The following SLIT2 variants were observed in gnomAD, a reference collection of about 807,000 sequenced individuals.
SLIT2 encodes the protein slit homolog 2 protein.
In SLIT2, 41 loss-of-function variants were observed where a neutral mutation model predicts 185.7. The observed-to-expected ratio is 0.22, with a 90% CI of 0.17 to 0.29. The LOEUF is 0.29. Ranked by LOEUF, SLIT2 falls within the 10% of genes least tolerant of loss-of-function variation. SLIT2 has a pLI of 1.00. For missense variants in SLIT2, 1,571 were observed against 1,909.0 expected (o/e 0.82, Z 3.30); for synonymous variants, 693 against 680.2 (o/e 1.02, Z -0.29).
intron 33 of SLIT2, 57 bp downstream of exon 33, chr4:20,598,452 T>C: frequency 1.3e-6 from 2 of 1,583,762 alleles, no homozygotes; most frequent in Non-Finnish European, 8.7e-7. Context: ...GAAGAACTGC[T>C]TCTCCTCTAT....
intron 7 of SLIT2, among the ~76,000 whole-genome samples, chr4:20,488,022 G>A (rs192772517): frequency 2.0e-5 from 3 of 152,256 alleles, no homozygotes; most frequent in Admixed American, 1.3e-4. Flanking sequence ...TCTTTAGTTT[G>A]AGAAAACATA....
chr4:20,491,399 T>C (rs1717768733), intron 8 of SLIT2, among the ~76,000 whole-genome samples: 2 of 152,200 alleles, frequency 1.3e-5, no homozygotes, highest in Non-Finnish European at 2.9e-5. Flanking sequence ...CCAAGCTCTA[T>C]TTAATCTTAT....
chr4:20,599,368 C>T (rs1352584205), intron 33 of SLIT2, among the ~76,000 whole-genome samples: 1 of 152,112 alleles, frequency 6.6e-6, no homozygotes, highest in African/African-American at 2.4e-5. Flanking sequence ...TAGAAATTCA[C>T]CCTTTAGAGA....
intron 3 of SLIT2, among the ~76,000 whole-genome samples, chr4:20,264,662 A>G (rs751030355): frequency 9.4e-4 from 143 of 151,860 alleles, no homozygotes; most frequent in Non-Finnish European, 1.9e-3. Flanking sequence ...GTTGTTAAGA[A>G]TCAGTGTTTC....
At chr4:20,447,099 C>G (rs1310002584) in intron 4 of SLIT2, among the ~76,000 whole-genome samples, 1 of 152,106 alleles carries the variant, frequency 6.6e-6, no homozygotes, top group Non-Finnish European at 1.5e-5. Flanking sequence ...GAAGGGAGAG[C>G]GATTCTTCAG....
chr4:20,584,121 G>GA (rs34503488), intron 29 of SLIT2, among the ~76,000 whole-genome samples: 1 of 151,768 alleles, frequency 6.6e-6, no homozygotes, highest in Non-Finnish European at 1.5e-5. Flanking sequence ...CCTTTTTATT[G>GA]AAAAAAAGGG....
chr4:20,349,993 A>T (rs1401543587), intron 4 of SLIT2, among the ~76,000 whole-genome samples: 1 of 152,196 alleles, frequency 6.6e-6, no homozygotes, highest in Non-Finnish European at 1.5e-5. Flanking sequence ...AACTCATCCT[A>T]GTATTTGCAT....
intron 31 of SLIT2, 25 bp from the exon 32 acceptor site, chr4:20,596,390 A>G: frequency 1.3e-6 from 2 of 1,595,280 alleles, no homozygotes. Context: ...GTATTAACTA[A>G]TTTTTTTTTC....
chr4:20,616,751 C>A, intron 34 of SLIT2, 159 bp from the exon 35 acceptor site: 1 of 656,988 alleles, frequency 1.5e-6, no homozygotes, highest in South Asian at 2.5e-5. Flanking sequence ...CAAAAACACA[C>A]ATCTCTACAT....
intron 9 of SLIT2, among the ~76,000 whole-genome samples, chr4:20,496,259 A>G (rs1459092713): frequency 3.1e-5 from 2 of 64,626 alleles, no homozygotes; most frequent in African/African-American, 7.2e-5. Flanking sequence ...TACTTCTGCT[A>G]TTTGGTAACT....
chr4:20,333,043 G>T, intron 4 of SLIT2, among the ~76,000 whole-genome samples: 1 of 152,030 alleles, frequency 6.6e-6, no homozygotes. Flanking sequence ...GTATATTTAA[G>T]ACTATCAGTT....
At chr4:20,584,062 C>T (rs1245312747) in intron 29 of SLIT2, among the ~76,000 whole-genome samples, 1 of 151,946 alleles carries the variant, frequency 6.6e-6, no homozygotes, top group Non-Finnish European at 1.5e-5. Flanking sequence ...GTGTGATACT[C>T]CCTCTGGTAA....
intron 29 of SLIT2, among the ~76,000 whole-genome samples, chr4:20,583,114 A>C (rs1726740509): frequency 2.0e-5 from 3 of 152,224 alleles, no homozygotes; most frequent in Non-Finnish European, 2.9e-5. Context: ...CAGAAAACAA[A>C]ACTGCCGATA....
intron 4 of SLIT2, among the ~76,000 whole-genome samples, chr4:20,339,108 AAAAAG>A (rs1363984150): frequency 6.9e-4 from 105 of 151,620 alleles, no homozygotes; most frequent in African/African-American, 2.2e-3. Context: ...AAAAAAAAAA[AAAAAG>A]AAAGACATTG....
At chr4:20,494,524 C>T (rs1038253792) in intron 9 of SLIT2, among the ~76,000 whole-genome samples, 9 of 152,114 alleles carry the variant, frequency 5.9e-5, no homozygotes, top group African/African-American at 2.2e-4. Flanking sequence ...CGCCTGTAAT[C>T]CCAGCACTTT....
chr4:20,459,326 C>T (rs1301452227), intron 4 of SLIT2, among the ~76,000 whole-genome samples: 1 of 152,032 alleles, frequency 6.6e-6, no homozygotes, highest in Non-Finnish European at 1.5e-5. Flanking sequence ...TAAAAACATA[C>T]CCTGAAAGAA....
intron 4 of SLIT2, among the ~76,000 whole-genome samples, chr4:20,373,996 A>G (rs73238762): frequency 0.21 from 32,455 of 152,034 alleles, 3,755 homozygotes; most frequent in Non-Finnish European, 0.27. Context: ...GTCATCTGTG[A>G]GAGACAGTGT....
At chr4:20,492,177 G>A (rs1717841943) in intron 9 of SLIT2, among the ~76,000 whole-genome samples, 1 of 152,134 alleles carries the variant, frequency 6.6e-6, no homozygotes, top group African/African-American at 2.4e-5. Context: ...CACCCTTTGG[G>A]CCTGTACATC....
At chr4:20,522,371 G>C (rs1720914972) in intron 12 of SLIT2, among the ~76,000 whole-genome samples, 1 of 152,134 alleles carries the variant, frequency 6.6e-6, no homozygotes. Flanking sequence ...GTGCCTGTTA[G>C]GGATGGAGAA....
Sources: gnomAD v4.1 joint callset for allele counts (sites outside exome capture counted in the v4.1 genomes callset) on GRCh38, gnomAD v4.1.1 for gene constraint, MANE v1.5 for transcripts, NCBI Gene and HGNC (gene_info 2026-07-23, HGNC 2026-07-21) for gene names.